OCM: variants seen among roughly 807,000 people sequenced by gnomAD.
OCM encodes the protein oncomodulin-1.
Under a neutral mutation model 14.1 loss-of-function variants are expected in OCM, and 18 were observed. The ratio of observed to expected loss-of-function variants is 1.28; its 90% CI spans 0.88 to 1.89. OCM has a LOEUF of 1.89. OCM is among the 40% of genes most tolerant of loss of function. The pLI is 0.00. For missense variants in OCM, 140 were observed against 137.6 expected (o/e 1.02, Z -0.09); for synonymous variants, 48 against 51.0 (o/e 0.94, Z 0.25).
At chr7:5,861,415 C>T in the OCM span, among the ~76,000 whole-genome samples, 3 of 150,024 alleles carry the variant, frequency 2.0e-5, no homozygotes, top group African/African-American at 7.4e-5. Context: ...GAACGAAATT[C>T]TGTCTTAAAA....
At position 5,882,596 on chromosome 7, in the gene OCM, G is replaced by C; in HGVS notation, c.165G>C (p.Gln55His). The C allele has an allele frequency of 6.2e-7, 1 of 1,614,090 alleles. No individual in the cohort carries two copies. The highest frequency in any genetic ancestry group is 8.5e-7 in the Non-Finnish European group (1 of 1,180,010). Residue 55 changes from glutamine to histidine, a missense_variant, in exon 2 of 4, where the codon CAG becomes CAC. Transcript: ENST00000242104. ...TTTTCCGGTTCATAGACAACGACCA[G>C]AGCGGGTACCTGGATGAAGAAGAGC... Reference protein sequence around the residue: ...KDVFRFIDNDQSGYLDEEELK... With the variant: ...KDVFRFIDNDHSGYLDEEELK...
chr7:5,882,547 T>C lies in OCM; in HGVS notation c.116T>C (p.Met39Thr), dbSNP rs772516968. Residue 39 changes from methionine (M) to threonine (T), a missense_variant, in exon 2 of 4, where the codon ATG becomes ACG. Physicochemically the swap from Met to Thr is moderately conservative, Grantham distance 81. Transcript: ENST00000242104. ...KFFQTSGLSK[M>T]SANQVKDVFR... is the part of the protein sequence containing the mutation. ...TTCCAGACATCAGGCCTCTCCAAGA[T>C]GTCAGCCAATCAGGTGAAGGATGTT... 6.2e-7 allele frequency: 1 copy of C among 1,614,154 alleles called. No homozygotes were observed. The highest frequency in any genetic ancestry group is 1.1e-5 in the South Asian group (1 of 91,080).
At chr7:5,880,760 A>AT (rs1205688812), upstream of OCM, 86 of 817,074 alleles carry the variant, frequency 1.1e-4, 1 homozygote, top group Middle Eastern at 6.2e-4. Context: ...CTCCGTCTTA[A>AT]TTTAAAAAAA....
Position 5,886,199 on chromosome 7 carries a change from C to A in OCM, c.*110C>A. On this transcript the variant is annotated 3_prime_UTR_variant, in exon 4 of 4. Transcript: ENST00000242104. Reference sequence around the variant, plus strand: ...CATCCCTACCTAATTTGTTAATTTTCCCTGAAAACCTTCTGCAGTTTGCTC... The same window carrying A: ...CATCCCTACCTAATTTGTTAATTTTACCTGAAAACCTTCTGCAGTTTGCTC... The A allele has an allele frequency of 7.7e-7, 1 of 1,305,210 alleles. No individual in the cohort carries two copies. 80.9% of individuals were successfully genotyped at this position (1,305,210 alleles called of 1,614,324 possible).
chr7:5,877,091 C>T (rs1195152579), upstream of OCM, among the ~76,000 whole-genome samples: 2 of 152,124 alleles, frequency 1.3e-5, no homozygotes, highest in African/African-American at 4.8e-5. Context: ...CAGGCGTGAG[C>T]CACCACACCC....
the OCM span, among the ~76,000 whole-genome samples, chr7:5,869,734 C>A: frequency 2.0e-5 from 3 of 152,182 alleles, no homozygotes; most frequent in South Asian, 6.2e-4. Flanking sequence ...TTCTTCTGCA[C>A]TACCCAGCAA....
chr7:5,884,062 G>C, intron 3 of OCM, 63 bp downstream of exon 3: 1 of 1,595,528 alleles, frequency 6.3e-7, no homozygotes, highest in South Asian at 1.1e-5. Context: ...TGAGGGCTTG[G>C]GCTGTGAGAT....
At chr7:5,878,923 G>A (rs1184067524), upstream of OCM, among the ~76,000 whole-genome samples, 1 of 141,598 alleles carries the variant, frequency 7.1e-6, no homozygotes, top group Non-Finnish European at 1.5e-5. Context: ...GTTCATTCCT[G>A]TAATCCCAGC....
upstream of OCM, among the ~76,000 whole-genome samples, chr7:5,880,498 T>C (rs1781188255): frequency 6.6e-6 from 1 of 152,146 alleles, no homozygotes; most frequent in Non-Finnish European, 1.5e-5. Context: ...GTGGCTTGCA[T>C]CTGTCATCCC....
chr7:5,868,338 G>C, the OCM span, among the ~76,000 whole-genome samples: 5 of 151,844 alleles, frequency 3.3e-5, no homozygotes, highest in Non-Finnish European at 7.4e-5. Flanking sequence ...GTAGAGATGG[G>C]GGTCTCACTA....
At chr7:5,871,347 C>A in the OCM span, among the ~76,000 whole-genome samples, 4 of 139,434 alleles carry the variant, frequency 2.9e-5, no homozygotes, top group African/African-American at 9.0e-5. Flanking sequence ...AGAGTGAGTC[C>A]TTGTCTCAAA....
At chr7:5,870,627 T>C in the OCM span, among the ~76,000 whole-genome samples, 1 of 152,192 alleles carries the variant, frequency 6.6e-6, no homozygotes, top group Non-Finnish European at 1.5e-5. Context: ...TGAAATGTAG[T>C]TTATCTTCAT....
intron 2 of OCM, 36 bp from the exon 3 acceptor site, chr7:5,883,854 T>C (rs1382577345): frequency 6.2e-7 from 1 of 1,612,584 alleles, no homozygotes; most frequent in East Asian, 2.2e-5. Context: ...TGCATGATCT[T>C]TTTGAAAATC....
the OCM span, among the ~76,000 whole-genome samples, chr7:5,859,877 A>G: frequency 0.61 from 92,125 of 151,640 alleles, 30,194 homozygotes; most frequent in African/African-American, 0.87. Flanking sequence ...TACTAGAGAC[A>G]GGGTTTTACC....
Position 5,884,328 on chromosome 7 carries a change from C to T in OCM, c.304+329C>T, listed in dbSNP as rs139043861. ...AACCATAATGCACCTGCATAAAGCG[C>T]GAGGTATTTCTACCAGTGGGGTTTG... On this transcript the variant is annotated intron_variant, in intron 3 of 3. Coordinates refer to ENST00000242104, the MANE Select transcript of OCM (RefSeq NM_001097622.2). 4.8e-3 allele frequency among the ~76,000 whole-genome samples: 730 copies of T among 152,234 alleles called. 6 individuals are homozygous for T. The highest frequency in any genetic ancestry group is 0.017 in the African/African-American group (691 of 41,524).
At chr7:5,877,819 CAAAAAAAAAAAAA>C (rs535302724), upstream of OCM, among the ~76,000 whole-genome samples, 746 of 55,366 alleles carry the variant, frequency 0.013, 16 homozygotes, top group South Asian at 0.1. Context: ...GACTCCATCT[CAAAAAAAAAAAAA>C]AAAAAAAAAA....
At chr7:5,880,541 C>A (rs1298808820), upstream of OCM, among the ~76,000 whole-genome samples, 1 of 152,064 alleles carries the variant, frequency 6.6e-6, no homozygotes, top group Non-Finnish European at 1.5e-5. Flanking sequence ...GGCAGATCAC[C>A]TGAGGTCAGG....
chr7:5,869,087 C>T, the OCM span, among the ~76,000 whole-genome samples: 1 of 151,786 alleles, frequency 6.6e-6, no homozygotes, highest in African/African-American at 2.4e-5. Flanking sequence ...CAAAACAAAA[C>T]AAAAAGGACT....
chr7:5,884,037 C>T, intron 3 of OCM, 38 bp downstream of exon 3: 3 of 1,606,646 alleles, frequency 1.9e-6, no homozygotes, highest in Non-Finnish European at 2.6e-6. Context: ...AACACTCTAG[C>T]TCAGGAAGCA....
Sources: allele counts gnomAD v4.1 joint callset (sites outside exome capture counted in the v4.1 genomes callset), GRCh38; gene constraint gnomAD v4.1.1; transcripts MANE v1.5; gene names NCBI Gene and HGNC (gene_info 2026-07-23, HGNC 2026-07-21).